Variants in CDKAL1 observed in about 807,000 individuals in gnomAD.
CDKAL1 encodes CDKAL1 threonylcarbamoyladenosine tRNA methylthiotransferase, also known as threonylcarbamoyladenosine tRNA methylthiotransferase.
Under a neutral mutation model 68.2 loss-of-function variants are expected in CDKAL1, and 32 were observed. The ratio of observed to expected loss-of-function variants is 0.47; its 90% confidence interval spans 0.35 to 0.63. CDKAL1 has a LOEUF of 0.63. Among genes scored for constraint, CDKAL1 ranks in the 30% least tolerant of loss-of-function variants. The pLI, the probability that CDKAL1 is intolerant of heterozygous loss-of-function variation, is 0.00. For synonymous variants in CDKAL1, 234 were observed against 244.3 expected (o/e 0.96, Z 0.39); for missense variants, 606 against 696.7 (o/e 0.87, Z 1.47).
chr6:20,810,392 T>TCACA lies in CDKAL1; in HGVS notation c.638+29177_638+29180dup, dbSNP rs59104508. Among the ~76,000 whole-genome samples the TCACA allele has an allele frequency of 2.6e-3, 301 of 115,640 alleles. 2 individuals are homozygous for TCACA. Among genetic ancestry groups the TCACA allele is most frequent in the Middle Eastern group, 0.02 (4 of 196 alleles). 75.9% of individuals were successfully genotyped at this position (115,640 alleles called of 152,430 possible). A position where few individuals can be genotyped will look rare whatever the true frequency, so the allele number is the denominator to read the frequency against. On this transcript the variant is annotated intron_variant, in intron 8 of 15. Transcript: ENST00000274695. ...GTCTCTCTCTCTCTCTCTCTCTCTG[T>TCACA]CACACACACACACACACACACACAC...
chr6:20,988,947 C>T (rs529708678), intron 10 of CDKAL1, among the ~76,000 whole-genome samples: 44 of 151,874 alleles, frequency 2.9e-4, no homozygotes, highest in Non-Finnish European at 4.9e-4. Context: ...TACGAGCCAC[C>T]GTGCCTGGCT....
At chr6:20,916,929 A>G (rs985404294) in intron 9 of CDKAL1, among the ~76,000 whole-genome samples, 2 of 151,932 alleles carry the variant, frequency 1.3e-5, no homozygotes, top group South Asian at 2.1e-4. Context: ...TGTTCTTAAT[A>G]ATGTTGTTAC....
At chr6:20,845,533 A>AT (rs947358735) in intron 8 of CDKAL1, among the ~76,000 whole-genome samples, 1 of 151,996 alleles carries the variant, frequency 6.6e-6, no homozygotes, top group Admixed American at 6.6e-5. Flanking sequence ...ATGCTTTAAT[A>AT]TTTTTTCCTG....
intron 10 of CDKAL1, among the ~76,000 whole-genome samples, chr6:20,989,468 A>G (rs1487312397): frequency 1.3e-5 from 2 of 152,238 alleles, no homozygotes; most frequent in Non-Finnish European, 1.5e-5. Flanking sequence ...TTGGATAATC[A>G]GGTCATAGAT....
chr6:20,731,884 A>T (rs1427999915), intron 5 of CDKAL1, among the ~76,000 whole-genome samples: 1 of 152,096 alleles, frequency 6.6e-6, no homozygotes, highest in Non-Finnish European at 1.5e-5. Context: ...GCCCCATCAG[A>T]CCATAGCCAA....
intron 8 of CDKAL1, among the ~76,000 whole-genome samples, chr6:20,814,868 A>T (rs781300014): frequency 2.0e-5 from 3 of 151,984 alleles, no homozygotes; most frequent in Non-Finnish European, 4.4e-5. Context: ...ACAAATTTTC[A>T]CTGACTTAGT....
intron 9 of CDKAL1, among the ~76,000 whole-genome samples, chr6:20,846,844 A>G (rs1778393570): frequency 6.6e-6 from 1 of 152,252 alleles, no homozygotes; most frequent in African/African-American, 2.4e-5. Flanking sequence ...TGCTCAAACC[A>G]TAAACTTCCT....
intron 9 of CDKAL1, among the ~76,000 whole-genome samples, chr6:20,939,607 G>A (rs1262986947): frequency 6.6e-6 from 1 of 152,150 alleles, no homozygotes; most frequent in East Asian, 1.9e-4. Flanking sequence ...TTGGGCCAGT[G>A]CAATTACTAT....
At chr6:20,785,983 G>C (rs932948056) in intron 8 of CDKAL1, among the ~76,000 whole-genome samples, 1 of 152,198 alleles carries the variant, frequency 6.6e-6, no homozygotes, top group Admixed American at 6.5e-5. Flanking sequence ...CACTTTGGGA[G>C]GCCAAGGCAG....
chr6:20,781,368 TGGGA>T, intron 8 of CDKAL1, 103 bp downstream of exon 8: 2 of 1,048,398 alleles, frequency 1.9e-6, no homozygotes, highest in Non-Finnish European at 2.7e-6. Context: ...AACATTTTCT[TGGGA>T]AAGAAAAATT....
chr6:21,025,676 T>C (rs1047925445), intron 11 of CDKAL1, among the ~76,000 whole-genome samples: 4 of 152,176 alleles, frequency 2.6e-5, no homozygotes, highest in African/African-American at 7.2e-5. Context: ...TTAGGTGCTC[T>C]AATTATTCTC....
chr6:20,988,182 A>ATGTGTGTGTGTGTGTG (rs58720900), intron 10 of CDKAL1, among the ~76,000 whole-genome samples: 1,894 of 137,426 alleles, frequency 0.014, 45 homozygotes, highest in East Asian at 0.049. Context: ...GAAACATAAT[A>ATGTGTGTGTGTGTGTG]TGTGTGTGTG....
chr6:20,825,165 C>T (rs4712554), intron 8 of CDKAL1, among the ~76,000 whole-genome samples: 43,090 of 151,984 alleles, frequency 0.28, 6,688 homozygotes, highest in East Asian at 0.53. Flanking sequence ...CTGGTTCTTC[C>T]TTTTTCCTTT....
chr6:20,659,528 A>G (rs1237515260), intron 5 of CDKAL1, among the ~76,000 whole-genome samples: 1 of 152,172 alleles, frequency 6.6e-6, no homozygotes, highest in African/African-American at 2.4e-5. Context: ...GTCTAATAAG[A>G]TTGTCTCCCA....
At chr6:20,592,657 A>G (rs1765643486) in intron 4 of CDKAL1, among the ~76,000 whole-genome samples, 1 of 151,954 alleles carries the variant, frequency 6.6e-6, no homozygotes, top group East Asian at 1.9e-4. Context: ...CTTAGTAGAG[A>G]TGGGGATTCA....
intron 8 of CDKAL1, among the ~76,000 whole-genome samples, chr6:20,842,510 T>C (rs529022820): frequency 3.6e-4 from 55 of 152,344 alleles, no homozygotes; most frequent in South Asian, 6.2e-4. Context: ...TGAACCCGTC[T>C]TATACAATAA....
At position 21,032,669 on chromosome 6, in the gene CDKAL1, C is replaced by T. The variant is rs191280523; in HGVS notation, c.1055+32297C>T. ...TTAGATGTGTGTAGATACACAGATA[C>T]TTACCATTGCATTTCAGTTGCCTGC... On this transcript the variant is annotated intron_variant, in intron 11 of 15. Transcript: ENST00000274695. 9.9e-5 allele frequency among the ~76,000 whole-genome samples: 15 copies of T among 152,242 alleles called. 1 individual carries two copies. The highest frequency in any genetic ancestry group is 6.5e-4 in the Admixed American group (10 of 15,288).
chr6:21,131,931 T>G (rs1313651784), intron 13 of CDKAL1, among the ~76,000 whole-genome samples: 1 of 152,170 alleles, frequency 6.6e-6, no homozygotes, highest in African/African-American at 2.4e-5. Flanking sequence ...AGTAAGACTT[T>G]AAAATGAAAA....
At chr6:20,793,378 C>T (rs7773697) in intron 8 of CDKAL1, among the ~76,000 whole-genome samples, 137,725 of 152,138 alleles carry the variant, frequency 0.91, 62,831 homozygotes, top group East Asian at 1. Flanking sequence ...ACACATTGCA[C>T]GCATCTTGGA....
Sources: allele counts gnomAD v4.1 joint callset (sites outside exome capture counted in the v4.1 genomes callset), GRCh38; gene constraint gnomAD v4.1.1; transcripts MANE v1.5; gene names NCBI Gene and HGNC (gene_info 2026-07-23, HGNC 2026-07-21).